TRPM6: variants seen among roughly 807,000 people sequenced by gnomAD.
TRPM6 encodes the protein transient receptor potential cation channel subfamily M member 6.
A neutral mutation model predicts 247.6 loss-of-function variants in TRPM6; 111 were observed. That is an observed-to-expected ratio of 0.45 (90% confidence interval 0.38 to 0.52). The LOEUF (loss-of-function observed/expected upper bound fraction) is 0.52, where lower values mean the gene tolerates loss of function less well. Ranked by LOEUF, TRPM6 falls within the 20% of genes least tolerant of loss-of-function variation. The pLI is 0.00. For missense variants in TRPM6, 2,126 were observed against 2,421.5 expected (o/e 0.88, Z 2.56); for synonymous variants, 892 against 853.8 (o/e 1.04, Z -0.78).
In TRPM6 at chr9:74,739,787, G is replaced by A; in HGVS notation, c.5423C>T (p.Pro1808Leu). Residue 1808 changes from proline (P) to leucine (L), a missense_variant, in exon 34 of 39, where the codon CCT (proline) becomes CTT (leucine). By Grantham distance (98) the Pro-to-Leu change is moderately conservative. This residue lies in a region of TRPM6 where 327 missense variants were observed against 397.7 expected (regional missense o/e 0.82). Transcript: ENST00000360774. ...TTTATGCCATGTCCGCACAACCTCA[G>A]GAAGAAAGGACTTGACAATGAAAAC... Reference protein sequence around the residue: ...GQVFIVKSFLPEVVRTWHKIF... With the variant: ...GQVFIVKSFLLEVVRTWHKIF... The A allele has an allele frequency of 6.2e-7, 1 of 1,614,094 alleles. No homozygotes were observed. Among genetic ancestry groups the A allele is most frequent in the East Asian group, 2.2e-5 (1 of 44,878 alleles).
At chr9:74,763,380 A>G (rs988021663) in intron 25 of TRPM6, among the ~76,000 whole-genome samples, 2 of 152,132 alleles carry the variant, frequency 1.3e-5, no homozygotes, top group East Asian at 3.8e-4. Context: ...TCCAGCCCTT[A>G]TTTCTTTTTA....
intron 3 of TRPM6, among the ~76,000 whole-genome samples, chr9:74,854,388 T>C (rs1038538838): frequency 2.6e-5 from 4 of 152,216 alleles, no homozygotes; most frequent in African/African-American, 4.8e-5. Context: ...TTTATTATAT[T>C]CTTATTTTGC....
chr9:74,734,556 G>A (rs186414959), intron 36 of TRPM6, among the ~76,000 whole-genome samples: 13 of 152,070 alleles, frequency 8.5e-5, no homozygotes, highest in African/African-American at 3.1e-4. Flanking sequence ...AATAATAATG[G>A]GCCTAATCTT....
intron 14 of TRPM6, among the ~76,000 whole-genome samples, chr9:74,805,751 A>G (rs1451007308): frequency 1.3e-5 from 2 of 152,140 alleles, no homozygotes; most frequent in South Asian, 2.1e-4. Context: ...GGAGGTGAGG[A>G]GAGCCCTAGT....
chr9:74,781,092 G>A (rs770250829), intron 23 of TRPM6, among the ~76,000 whole-genome samples: 16 of 152,080 alleles, frequency 1.1e-4, no homozygotes, highest in Non-Finnish European at 1.8e-4. Flanking sequence ...TAAATTGGGT[G>A]TGCTCAGGAT....
At position 74,747,988 on chromosome 9, in the gene TRPM6, C is replaced by T. The variant is rs565214389; in HGVS notation, c.5058-74G>A. The T allele has an allele frequency of 4.6e-6, 6 of 1,312,786 alleles. No individual in the cohort carries two copies. The African/African-American group carries it at 7.2e-5, about 16-fold the overall frequency. 81.3% of individuals were successfully genotyped at this position (1,312,786 alleles called of 1,614,324 possible). ...TACAGTTATCAAAAAAAGGAAACAGCACATGGAACAGTAACAACACAAAGT... is the reference window on the plus strand; with the variant it reads ...TACAGTTATCAAAAAAAGGAAACAGTACATGGAACAGTAACAACACAAAGT... On this transcript the variant is annotated intron_variant, in intron 30 of 38. Transcript: ENST00000360774.
At chr9:74,745,671 G>A (rs542589827) in intron 31 of TRPM6, among the ~76,000 whole-genome samples, 1 of 152,232 alleles carries the variant, frequency 6.6e-6, no homozygotes, top group African/African-American at 2.4e-5. Flanking sequence ...ATGCCCTGGG[G>A]CAGGTCCATG....
chr9:74,798,491 T>C (rs2118993146), intron 17 of TRPM6, among the ~76,000 whole-genome samples: 1 of 152,318 alleles, frequency 6.6e-6, no homozygotes, highest in African/African-American at 2.4e-5. Flanking sequence ...GACAACTTCC[T>C]GAAGAGGCCC....
intron 17 of TRPM6, 79 bp downstream of exon 17, chr9:74,800,175 T>C (rs1030754204): frequency 1.5e-6 from 2 of 1,360,940 alleles, no homozygotes; most frequent in East Asian, 2.3e-5. Context: ...GACACAATTC[T>C]GGAACAAAAT....
chr9:74,808,745 T>C (rs933303983), intron 13 of TRPM6, among the ~76,000 whole-genome samples: 2 of 152,162 alleles, frequency 1.3e-5, no homozygotes, highest in Non-Finnish European at 2.9e-5. Flanking sequence ...ACATCATATG[T>C]AAAACAAGAA....
chr9:74,800,888 A>T (rs1226535726), intron 16 of TRPM6, among the ~76,000 whole-genome samples: 1 of 148,878 alleles, frequency 6.7e-6, no homozygotes, highest in African/African-American at 2.5e-5. Context: ...CTCCCTGATA[A>T]GACCTAATAA....
At chr9:74,887,695 C>T in intron 1 of TRPM6, 129 bp downstream of exon 1, 2 of 1,609,250 alleles carry the variant, frequency 1.2e-6, no homozygotes, top group Non-Finnish European at 1.7e-6. Flanking sequence ...TTCATAAATC[C>T]TAGCTATTCT....
chr9:74,738,172 A>G (rs1587454808), intron 36 of TRPM6, among the ~76,000 whole-genome samples: 1 of 152,348 alleles, frequency 6.6e-6, no homozygotes, highest in Middle Eastern at 3.4e-3. Flanking sequence ...TCAAAAATTT[A>G]GATGTCTTTA....
chr9:74,809,297 A>G (rs1239656516), intron 13 of TRPM6, among the ~76,000 whole-genome samples: 2 of 152,194 alleles, frequency 1.3e-5, no homozygotes, highest in Non-Finnish European at 2.9e-5. Context: ...GACTACTTAA[A>G]TTGCACCTTA....
intron 37 of TRPM6, among the ~76,000 whole-genome samples, chr9:74,729,844 C>G (rs1825463106): frequency 6.6e-6 from 1 of 152,176 alleles, no homozygotes. Context: ...GCTTTCCATA[C>G]CTGCCATTTC....
intron 1 of TRPM6, among the ~76,000 whole-genome samples, chr9:74,868,399 G>GAGTAGATACTGC (rs1348019155): frequency 2.6e-5 from 4 of 152,032 alleles, no homozygotes; most frequent in Admixed American, 6.6e-5. Context: ...GGAGGCTGAG[G>GAGTAGATACTGC]CAGGAGAATC....
intron 1 of TRPM6, among the ~76,000 whole-genome samples, chr9:74,881,497 G>A (rs1192980450): frequency 6.6e-6 from 1 of 151,952 alleles, no homozygotes; most frequent in Non-Finnish European, 1.5e-5. Flanking sequence ...GTAACGGTTG[G>A]GGACTTCAAC....
chr9:74,726,742 T>C (rs1455916952), intron 38 of TRPM6, among the ~76,000 whole-genome samples: 2 of 151,926 alleles, frequency 1.3e-5, no homozygotes, highest in Non-Finnish European at 1.5e-5. Context: ...TATCGGAGGA[T>C]GTTGAGTGAA....
rs777585037 is a variant in TRPM6, at chr9:74,753,056, T to C, written c.4907-688A>G. Among the ~76,000 whole-genome samples the C allele has an allele frequency of 2.2e-5, 3 of 138,632 alleles. 1 individual carries two copies. The highest frequency in any genetic ancestry group is 4.3e-4 in the South Asian group (2 of 4,620). The allele number at this position is 138,632 out of a possible 152,430, so 90.9% of individuals were successfully genotyped here. On this transcript the variant is annotated intron_variant, in intron 28 of 38. Transcript: ENST00000360774. ...TGAACCCCGAAGGCGGAGGTTGCAG[T>C]GAGCCAAGACTGTGCCACTGCACTC...
Sources: gnomAD v4.1 joint callset for allele counts (sites outside exome capture counted in the v4.1 genomes callset) on GRCh38, gnomAD v4.1.1 for gene constraint, gnomAD v4.1.1 regional missense constraint, MANE v1.5 for transcripts, NCBI Gene and HGNC (gene_info 2026-07-23, HGNC 2026-07-21) for gene names.